Variants in CSMD1 observed in about 807,000 individuals in gnomAD.
The protein encoded by CSMD1 is CUB and Sushi multiple domains 1.
CSMD1 carries 213 observed loss-of-function variants against 417.5 expected under a neutral mutation model. The ratio of observed to expected loss-of-function variants is 0.51; its 90% CI spans 0.46 to 0.57. The LOEUF (loss-of-function observed/expected upper bound fraction) is 0.57, where lower values mean the gene tolerates loss of function less well. Ranked by LOEUF, CSMD1 falls within the 20% of genes least tolerant of loss-of-function variation. The pLI is 0.00. For missense variants in CSMD1, 6,923 were observed against 4,529.7 expected, an observed-to-expected ratio of 1.53 and a Z score of -15.17; for synonymous variants, 2,862 against 1,736.8, an observed-to-expected ratio of 1.65 and a Z score of -16.11.
intron 3 of CSMD1, among the ~76,000 whole-genome samples, chr8:4,103,321 C>G (rs937188059): frequency 6.6e-6 from 1 of 151,158 alleles, no homozygotes; most frequent in African/African-American, 2.4e-5. Flanking sequence ...CAGTGATCAT[C>G]AATATTCTCC....
At chr8:2,984,109 G>A (rs1805651303) in intron 54 of CSMD1, among the ~76,000 whole-genome samples, 1 of 152,148 alleles carries the variant, frequency 6.6e-6, no homozygotes, top group Non-Finnish European at 1.5e-5. Flanking sequence ...GTGACATTCT[G>A]AGAATAAAAG....
intron 2 of CSMD1, among the ~76,000 whole-genome samples, chr8:4,444,721 G>A (rs116965602): frequency 2.6e-5 from 4 of 152,190 alleles, no homozygotes; most frequent in South Asian, 2.1e-4. Context: ...GGTGCATGAA[G>A]GAAAATAATG....
intron 12 of CSMD1, among the ~76,000 whole-genome samples, chr8:3,438,014 C>T (rs887371569): frequency 6.6e-6 from 1 of 152,078 alleles, no homozygotes; most frequent in Non-Finnish European, 1.5e-5. Flanking sequence ...GTACTGATAC[C>T]TATTTCTAAA....
intron 5 of CSMD1, among the ~76,000 whole-genome samples, chr8:3,794,646 G>A (rs957891546): frequency 6.6e-6 from 1 of 151,798 alleles, no homozygotes; most frequent in Non-Finnish European, 1.5e-5. Context: ...CACATGACTA[G>A]AAGTTATGTG....
At chr8:4,229,430 A>C (rs1052654860) in intron 3 of CSMD1, among the ~76,000 whole-genome samples, 1 of 152,248 alleles carries the variant, frequency 6.6e-6, no homozygotes, top group Non-Finnish European at 1.5e-5. Flanking sequence ...ATCACTCATT[A>C]TCTTTTCAAC....
chr8:3,013,292 A>G (rs1808549589), intron 52 of CSMD1, among the ~76,000 whole-genome samples: 1 of 152,230 alleles, frequency 6.6e-6, no homozygotes, highest in South Asian at 2.1e-4. Context: ...TAAGATGTAC[A>G]GATGTCAGCA....
At chr8:4,826,377 C>T (rs1275971622) in intron 1 of CSMD1, among the ~76,000 whole-genome samples, 1 of 152,084 alleles carries the variant, frequency 6.6e-6, no homozygotes, top group Non-Finnish European at 1.5e-5. Flanking sequence ...TTAAAAGACG[C>T]AATCCTGCAT....
intron 10 of CSMD1, among the ~76,000 whole-genome samples, chr8:3,572,299 G>T (rs1010815): frequency 0.24 from 36,258 of 152,028 alleles, 4,538 homozygotes; most frequent in Non-Finnish European, 0.28. Context: ...GGGGCAGAAA[G>T]CAGGAGCTTC....
intron 42 of CSMD1, among the ~76,000 whole-genome samples, chr8:3,111,980 GT>G (rs1252701621): frequency 1.3e-5 from 2 of 151,890 alleles, no homozygotes; most frequent in African/African-American, 4.8e-5. Flanking sequence ...AGGCAAACTT[GT>G]CTCTTCCTTT....
At chr8:4,507,778 T>G (rs1489943506) in intron 2 of CSMD1, among the ~76,000 whole-genome samples, 1 of 152,164 alleles carries the variant, frequency 6.6e-6, no homozygotes, top group Non-Finnish European at 1.5e-5. Context: ...CTATAAGAGT[T>G]GTAATGAAAC....
At chr8:3,904,852 G>C (rs2930374) in intron 5 of CSMD1, among the ~76,000 whole-genome samples, 89,003 of 151,766 alleles carry the variant, frequency 0.59, 28,139 homozygotes, top group Non-Finnish European at 0.69. Context: ...GACCAGGCTG[G>C]TCTCAAACTC....
chr8:3,183,812 T>G (rs1418468606), intron 36 of CSMD1, among the ~76,000 whole-genome samples: 2 of 152,230 alleles, frequency 1.3e-5, no homozygotes, highest in East Asian at 3.9e-4. Flanking sequence ...TGGCGTGCAT[T>G]CTAAATATTT....
intron 10 of CSMD1, among the ~76,000 whole-genome samples, chr8:3,503,225 T>C (rs1188519225): frequency 6.6e-6 from 1 of 152,180 alleles, no homozygotes; most frequent in Non-Finnish European, 1.5e-5. Flanking sequence ...TAGAAAAATA[T>C]GTCATTAATT....
intron 10 of CSMD1, among the ~76,000 whole-genome samples, chr8:3,506,509 C>T (rs959968506): frequency 6.6e-6 from 1 of 152,166 alleles, no homozygotes; most frequent in Non-Finnish European, 1.5e-5. Context: ...TCCAATAATG[C>T]TCTATGGAGC....
chr8:4,014,293 G>A (rs190193449), intron 4 of CSMD1, among the ~76,000 whole-genome samples: 8 of 152,174 alleles, frequency 5.3e-5, no homozygotes, highest in Non-Finnish European at 7.3e-5. Flanking sequence ...ATGGCATTGC[G>A]TGTCGAAGTG....
At chr8:4,404,146 G>T (rs149380332) in intron 3 of CSMD1, among the ~76,000 whole-genome samples, 1 of 152,118 alleles carries the variant, frequency 6.6e-6, no homozygotes, top group East Asian at 1.9e-4. Context: ...TTTTCTCAGC[G>T]TAGAGCTTTC....
At chr8:4,282,407 T>C (rs948147310) in intron 3 of CSMD1, among the ~76,000 whole-genome samples, 2 of 152,152 alleles carry the variant, frequency 1.3e-5, no homozygotes, top group South Asian at 4.1e-4. Flanking sequence ...CACATCAACA[T>C]CCCAAGGATG....
chr8:3,494,563 G>C (rs1407113184), intron 10 of CSMD1, among the ~76,000 whole-genome samples: 1 of 45,438 alleles, frequency 2.2e-5, no homozygotes, highest in Non-Finnish European at 5.4e-5. Context: ...ATGATAGATA[G>C]ATAGATAGAT....
At chr8:3,358,154 A>G (rs867840243) in intron 21 of CSMD1, among the ~76,000 whole-genome samples, 10 of 152,218 alleles carry the variant, frequency 6.6e-5, no homozygotes, top group Admixed American at 6.5e-4. Context: ...GTTAAATTTT[A>G]TCTTCAGACC....
Sources: gnomAD v4.1 joint callset for allele counts (sites outside exome capture counted in the v4.1 genomes callset) on GRCh38, gnomAD v4.1.1 for gene constraint, MANE v1.5 for transcripts, NCBI Gene and HGNC (gene_info 2026-07-23, HGNC 2026-07-21) for gene names.